The following CPNE4 variants were observed in gnomAD, a reference collection of about 807,000 sequenced individuals.
The protein encoded by CPNE4 is copine 4.
CPNE4 carries 25 observed loss-of-function variants against 67.9 expected under a neutral mutation model. The observed-to-expected ratio is 0.37, with a 90% CI of 0.27 to 0.51. CPNE4 has a LOEUF of 0.51. Ranked by LOEUF, CPNE4 falls within the 20% of genes least tolerant of loss-of-function variation. The pLI, the probability that CPNE4 is intolerant of heterozygous loss-of-function variation, is 0.93. For synonymous variants in CPNE4, 242 were observed against 244.9 expected (o/e 0.99, Z 0.11); for missense variants, 464 against 690.8 (o/e 0.67, Z 3.68).
chr3:132,037,758 T>G, upstream of CPNE4: 1 of 614,158 alleles, frequency 1.6e-6, no homozygotes, highest in South Asian at 2.1e-5. Flanking sequence ...CTTATGCCAA[T>G]ATGAAAGGCA....
At chr3:131,747,033 T>C (rs1397419375) in intron 2 of CPNE4, among the ~76,000 whole-genome samples, 1 of 152,094 alleles carries the variant, frequency 6.6e-6, no homozygotes, top group African/African-American at 2.4e-5. Context: ...TGATGTAGAA[T>C]ATTTTTTCAT....
intron 6 of CPNE4, among the ~76,000 whole-genome samples, chr3:131,673,384 T>A (rs199516349): frequency 2.0e-5 from 3 of 152,040 alleles, no homozygotes; most frequent in African/African-American, 7.2e-5. Context: ...GTCATTGGTA[T>A]TTTGATAAAG....
At chr3:131,694,189 T>C (rs1478274418) in intron 5 of CPNE4, among the ~76,000 whole-genome samples, 1 of 152,160 alleles carries the variant, frequency 6.6e-6, no homozygotes, top group Admixed American at 6.6e-5. Context: ...TGATATTCAT[T>C]AACATAATAA....
chr3:131,950,653 C>A (rs909704583), intron 1 of CPNE4, among the ~76,000 whole-genome samples: 2 of 152,156 alleles, frequency 1.3e-5, no homozygotes, highest in African/African-American at 4.8e-5. Context: ...TTCACAAATA[C>A]AGAATCTGTG....
chr3:131,582,869 G>A (rs761623246), intron 8 of CPNE4, among the ~76,000 whole-genome samples: 3 of 152,200 alleles, frequency 2.0e-5, no homozygotes, highest in Non-Finnish European at 4.4e-5. Flanking sequence ...GCACCACGTG[G>A]AGCACTATGT....
At position 131,672,599 on chromosome 3, in the gene CPNE4, C is replaced by A. The variant is rs977331161; in HGVS notation, c.592-2835G>T. On this transcript the variant is annotated intron_variant, in intron 6 of 15. Coordinates refer to ENST00000429747, the MANE Select transcript of CPNE4 (RefSeq NM_130808.3). ...TCTGATGATCAATGATGTTGAGCACCTTTTCACATATCTATTTGCCATCTG... is the reference window on the plus strand; with the variant it reads ...TCTGATGATCAATGATGTTGAGCACATTTTCACATATCTATTTGCCATCTG... 2.0e-5 allele frequency among the ~76,000 whole-genome samples: 3 copies of A among 151,972 alleles called. No individual in the cohort carries two copies. In the East Asian group the frequency reaches 5.8e-4, roughly 29 times the overall value.
intron 1 of CPNE4, among the ~76,000 whole-genome samples, chr3:131,972,380 T>C (rs2072527728): frequency 6.6e-6 from 1 of 152,172 alleles, no homozygotes; most frequent in Non-Finnish European, 1.5e-5. Context: ...GCAGAGTTTC[T>C]TTGTATGAGG....
At chr3:131,914,455 T>C (rs375982611) in intron 1 of CPNE4, among the ~76,000 whole-genome samples, 11 of 152,222 alleles carry the variant, frequency 7.2e-5, no homozygotes, top group African/African-American at 1.9e-4. Flanking sequence ...TTAGATTCTT[T>C]CTTCCCCCAC....
At chr3:131,968,699 G>A (rs2072424369) in intron 1 of CPNE4, among the ~76,000 whole-genome samples, 1 of 152,152 alleles carries the variant, frequency 6.6e-6, no homozygotes, top group Admixed American at 6.5e-5. Flanking sequence ...AAAAAGTCAG[G>A]AAACAACAGC....
At chr3:132,023,048 A>G (rs1553834340) in intron 1 of CPNE4, among the ~76,000 whole-genome samples, 1 of 152,230 alleles carries the variant, frequency 6.6e-6, no homozygotes, top group Non-Finnish European at 1.5e-5. Context: ...TGTCTGAACA[A>G]CCACGGACCA....
At chr3:131,758,287 G>A (rs2082803306) in intron 2 of CPNE4, among the ~76,000 whole-genome samples, 3 of 152,194 alleles carry the variant, frequency 2.0e-5, no homozygotes, top group Non-Finnish European at 4.4e-5. Flanking sequence ...AAGACCATGG[G>A]AACCCACCTC....
At chr3:131,946,855 T>A (rs1312480812) in intron 1 of CPNE4, among the ~76,000 whole-genome samples, 1 of 152,174 alleles carries the variant, frequency 6.6e-6, no homozygotes, top group African/African-American at 2.4e-5. Context: ...AGGTGTGTGA[T>A]CTATTTTGAG....
intron 1 of CPNE4, among the ~76,000 whole-genome samples, chr3:131,997,894 G>T (rs939513270): frequency 6.6e-6 from 1 of 152,242 alleles, no homozygotes; most frequent in South Asian, 2.1e-4. Context: ...TGAAAATGCT[G>T]TTTCATGAGG....
chr3:131,630,957 C>T (rs1377280183), intron 7 of CPNE4, among the ~76,000 whole-genome samples: 2 of 152,202 alleles, frequency 1.3e-5, no homozygotes, highest in Non-Finnish European at 2.9e-5. Flanking sequence ...GAATTCCTCT[C>T]CAGCCACCTC....
intron 1 of CPNE4, among the ~76,000 whole-genome samples, chr3:131,916,979 C>G (rs186125400): frequency 6.6e-6 from 1 of 152,116 alleles, no homozygotes; most frequent in Non-Finnish European, 1.5e-5. Context: ...AAAGACTTAA[C>G]AGGCTCAAGT....
At chr3:131,917,102 C>A (rs1263904736) in intron 1 of CPNE4, among the ~76,000 whole-genome samples, 1 of 152,142 alleles carries the variant, frequency 6.6e-6, no homozygotes, top group Non-Finnish European at 1.5e-5. Flanking sequence ...GCAATGTCTG[C>A]AATCCACATG....
intron 2 of CPNE4, among the ~76,000 whole-genome samples, chr3:131,799,982 A>T (rs1488190120): frequency 2.0e-5 from 3 of 148,208 alleles, no homozygotes; most frequent in Admixed American, 1.4e-4. Context: ...TTCTCCCACA[A>T]ACCTTTTCTT....
intron 11 of CPNE4, among the ~76,000 whole-genome samples, chr3:131,562,494 CT>C (rs1375582445): frequency 6.6e-6 from 1 of 152,038 alleles, no homozygotes; most frequent in Non-Finnish European, 1.5e-5. Flanking sequence ...CATTTACCTA[CT>C]TTATCTTTTG....
intron 1 of CPNE4, among the ~76,000 whole-genome samples, chr3:132,032,754 A>G (rs1411186644): frequency 6.6e-6 from 1 of 152,114 alleles, no homozygotes; most frequent in African/African-American, 2.4e-5. Flanking sequence ...GCCTAGAAGC[A>G]GCAGCTCGGT....
Sources: gnomAD v4.1 joint callset for allele counts (sites outside exome capture counted in the v4.1 genomes callset) on GRCh38, gnomAD v4.1.1 for gene constraint, MANE v1.5 for transcripts, NCBI Gene and HGNC (gene_info 2026-07-23, HGNC 2026-07-21) for gene names.